Variants in RAPGEF5 observed in about 807,000 individuals in gnomAD.
RAPGEF5 encodes the protein M-Ras-regulated GEF.
A neutral mutation model predicts 125.2 loss-of-function variants in RAPGEF5; 65 were observed. The observed-to-expected ratio is 0.52, with a 90% CI of 0.43 to 0.64. The LOEUF is 0.64. Among genes scored for constraint, RAPGEF5 ranks in the 30% least tolerant of loss-of-function variants. RAPGEF5 has a pLI of 0.00. For synonymous variants in RAPGEF5, 391 were observed against 385.9 expected (o/e 1.01, Z -0.16); for missense variants, 958 against 1,048.1 (o/e 0.91, Z 1.19).
At chr7:22,348,708 C>G (rs1784270971) in intron 1 of RAPGEF5, among the ~76,000 whole-genome samples, 1 of 152,184 alleles carries the variant, frequency 6.6e-6, no homozygotes, top group African/African-American at 2.4e-5. Context: ...ACAGAGGGTA[C>G]ATTGGTGGTT....
At chr7:22,262,621 C>G (rs1055758448) in intron 7 of RAPGEF5, among the ~76,000 whole-genome samples, 1 of 152,132 alleles carries the variant, frequency 6.6e-6, no homozygotes, top group Non-Finnish European at 1.5e-5. Context: ...ACAAAAAACC[C>G]TAAATAGGAA....
intron 11 of RAPGEF5, among the ~76,000 whole-genome samples, chr7:22,182,724 G>C (rs1008064817): frequency 2.6e-5 from 4 of 152,136 alleles, no homozygotes; most frequent in Non-Finnish European, 4.4e-5. Context: ...CAAAGAAATA[G>C]AAAAGTAATA....
At position 22,146,989 on chromosome 7, in the gene RAPGEF5, G is replaced by A; in HGVS notation, c.1915C>T (p.Gln639Ter). The change falls in exon 19 of 26, where the codon CAA becomes TAA. Residue 639 changes from glutamine (Q) to a stop codon, truncating the protein, a stop_gained. Coordinates refer to ENST00000665637, the MANE Select transcript of RAPGEF5 (RefSeq NM_012294.5). LOFTEE classifies it high-confidence loss of function. ...NPFAENEESQ[Q>*]RSMRILGMNT... is the part of the protein sequence containing the mutation. ...ATTCCCAAAATCCTCATCGACCTTT[G>A]CTGTGATTCCTCATTTTCTGCAAAT... is the stretch of plus-strand genomic sequence containing the variant. The A allele has an allele frequency of 6.2e-7, 1 of 1,613,286 alleles. No individual in the cohort carries two copies. The highest frequency in any genetic ancestry group is 8.5e-7 in the Non-Finnish European group (1 of 1,179,700).
intron 11 of RAPGEF5, among the ~76,000 whole-genome samples, chr7:22,184,033 C>T (rs528071650): frequency 6.6e-5 from 10 of 152,262 alleles, no homozygotes; most frequent in Non-Finnish European, 1.3e-4. Context: ...CTGGCATGCT[C>T]TAGACTTCCA....
At chr7:22,127,986 T>C (rs530216659) in intron 24 of RAPGEF5, among the ~76,000 whole-genome samples, 9 of 152,326 alleles carry the variant, frequency 5.9e-5, no homozygotes, top group South Asian at 4.1e-4. Context: ...TGTGCATGTA[T>C]TGTTCAGTTT....
intron 7 of RAPGEF5, among the ~76,000 whole-genome samples, chr7:22,254,829 G>A (rs895979542): frequency 1.3e-5 from 2 of 152,094 alleles, no homozygotes; most frequent in Admixed American, 1.3e-4. Context: ...TGCATGTGCA[G>A]TTCACAACAG....
intron 24 of RAPGEF5, among the ~76,000 whole-genome samples, chr7:22,128,437 T>A (rs1454134838): frequency 6.6e-6 from 1 of 152,210 alleles, no homozygotes; most frequent in African/African-American, 2.4e-5. Flanking sequence ...TTAGCTGGCT[T>A]AAGTTAATAT....
At chr7:22,267,451 A>G (rs1036802251) in intron 6 of RAPGEF5, among the ~76,000 whole-genome samples, 1 of 152,196 alleles carries the variant, frequency 6.6e-6, no homozygotes, top group Non-Finnish European at 1.5e-5. Flanking sequence ...TCCTGGTTTA[A>G]TTGGACCTCT....
chr7:22,149,669 A>T (rs1583413881), intron 18 of RAPGEF5, among the ~76,000 whole-genome samples: 1 of 152,314 alleles, frequency 6.6e-6, no homozygotes, highest in East Asian at 1.9e-4. Flanking sequence ...CGTTCTACAC[A>T]GAGAAGGCAG....
At chr7:22,280,301 C>T (rs565366065) in intron 6 of RAPGEF5, among the ~76,000 whole-genome samples, 19 of 152,180 alleles carry the variant, frequency 1.2e-4, no homozygotes, top group Non-Finnish European at 2.6e-4. Context: ...TCTCCCTAGC[C>T]TCTCAAACCG....
At chr7:22,331,079 C>T (rs188067698) in intron 1 of RAPGEF5, among the ~76,000 whole-genome samples, 2 of 152,246 alleles carry the variant, frequency 1.3e-5, no homozygotes, top group South Asian at 2.1e-4. Context: ...CTCTCCAGTT[C>T]GACACCAGAG....
chr7:22,119,289 C>T lies in RAPGEF5; in HGVS notation c.*3117G>A, dbSNP rs1376050740. The T allele has an allele frequency of 6.6e-6, 1 of 152,138 alleles. No individual in the cohort carries two copies. Among genetic ancestry groups the T allele is most frequent in the East Asian group, 1.9e-4 (1 of 5,202 alleles). 9.4% of individuals were successfully genotyped at this position (152,138 alleles called of 1,614,324 possible). On this transcript the variant is annotated 3_prime_UTR_variant, in exon 26 of 26. Transcript: ENST00000665637. The surrounding 1 kb of genome is among the most constrained non-coding windows in gnomAD (Gnocchi z 4.1). The stretch of plus-strand genomic sequence containing the variant: ...GTGGACTAGGCAGTGTGAGCACTGA[C>T]CTTATCCACATGCTTCTAAATTCGG...
At chr7:22,125,391 G>A (rs577927726) in intron 25 of RAPGEF5, 2 of 493,584 alleles carry the variant, frequency 4.1e-6, no homozygotes, top group East Asian at 7.2e-5. Flanking sequence ...CTGCCATGAG[G>A]GGATAATAAT....
intron 7 of RAPGEF5, among the ~76,000 whole-genome samples, chr7:22,247,546 G>T (rs1023082791): frequency 1.6e-4 from 25 of 152,150 alleles, no homozygotes; most frequent in African/African-American, 6.0e-4. Flanking sequence ...ACATGCATTT[G>T]CTTCTCCTTC....
intron 6 of RAPGEF5, among the ~76,000 whole-genome samples, chr7:22,283,434 G>T (rs1297134064): frequency 6.6e-6 from 1 of 152,046 alleles, no homozygotes; most frequent in Non-Finnish European, 1.5e-5. Flanking sequence ...TATGCCTCCT[G>T]GTTCTCCTCT....
intron 23 of RAPGEF5, among the ~76,000 whole-genome samples, chr7:22,132,944 G>A (rs1782960315): frequency 6.6e-6 from 1 of 152,184 alleles, no homozygotes; most frequent in African/African-American, 2.4e-5. Flanking sequence ...AACAAAGGGA[G>A]GCTGGCTCCC....
intron 13 of RAPGEF5, among the ~76,000 whole-genome samples, chr7:22,162,124 T>A (rs1046972459): frequency 6.6e-6 from 1 of 152,232 alleles, no homozygotes; most frequent in Admixed American, 6.5e-5. Context: ...TTTAAACTTA[T>A]AATGAATATC....
chr7:22,190,384 T>A (rs1583466142), intron 11 of RAPGEF5, among the ~76,000 whole-genome samples: 1 of 152,314 alleles, frequency 6.6e-6, no homozygotes, highest in East Asian at 1.9e-4. Context: ...ACTTGAGGGA[T>A]TATGAAAATA....
rs144895526 is a variant in RAPGEF5, at chr7:22,153,618, C to T, written c.1786+837G>A. Among the ~76,000 whole-genome samples, 295 of 152,294 alleles carry T rather than the reference C, an allele frequency of 1.9e-3. 1 individual carries two copies. The highest frequency in any genetic ancestry group is 6.8e-3 in the African/African-American group (282 of 41,560). On this transcript the variant is annotated intron_variant, in intron 17 of 25. Transcript: ENST00000665637. The stretch of plus-strand genomic sequence containing the variant: ...GTATATTCTGATATTCATCTCCCAA[C>T]TGCAGAATGATAACAAAGGGTAAAC...
Sources: gnomAD v4.1 joint callset for allele counts (sites outside exome capture counted in the v4.1 genomes callset) on GRCh38, gnomAD v4.1.1 for gene constraint, Gnocchi (gnomAD v3.1) non-coding constraint, MANE v1.5 for transcripts, NCBI Gene and HGNC (gene_info 2026-07-23, HGNC 2026-07-21) for gene names.